Variants in CCDC171 observed in about 807,000 individuals in gnomAD.
CCDC171 encodes the protein coiled-coil domain-containing protein 171.
Under a neutral mutation model 168.2 loss-of-function variants are expected in CCDC171, and 177 were observed. That is an observed-to-expected ratio of 1.05 (90% CI 0.93 to 1.19). CCDC171 has a LOEUF of 1.19. Among genes scored for constraint, CCDC171 ranks in the 50% most tolerant of loss-of-function variants. The pLI, the probability that CCDC171 is intolerant of heterozygous loss-of-function variation, is 0.00. For missense variants in CCDC171, 1,991 were observed against 1,539.0 expected (o/e 1.29, Z -4.91); for synonymous variants, 687 against 540.8 (o/e 1.27, Z -3.75).
At chr9:15,629,486 A>C (rs2045486469) in intron 7 of CCDC171, among the ~76,000 whole-genome samples, 1 of 152,204 alleles carries the variant, frequency 6.6e-6, no homozygotes, top group Non-Finnish European at 1.5e-5. Flanking sequence ...AAAAAAGAAT[A>C]AAAAGAAACG....
intron 6 of CCDC171, among the ~76,000 whole-genome samples, chr9:15,600,959 T>C (rs1472783126): frequency 6.6e-6 from 1 of 152,198 alleles, no homozygotes; most frequent in African/African-American, 2.4e-5. Context: ...AATCTCCTGG[T>C]GTGCCGTTTG....
At chr9:15,793,837 T>C (rs533133743) in intron 21 of CCDC171, among the ~76,000 whole-genome samples, 2 of 152,138 alleles carry the variant, frequency 1.3e-5, no homozygotes, top group East Asian at 1.9e-4. Context: ...GTGACAGATA[T>C]ATTAATCTTA....
intron 18 of CCDC171, among the ~76,000 whole-genome samples, chr9:15,746,256 G>A (rs528045912): frequency 6.6e-6 from 1 of 152,292 alleles, no homozygotes; most frequent in South Asian, 2.1e-4. Flanking sequence ...TGTTAAAATT[G>A]TGTAATGGAC....
chr9:15,878,477 A>G (rs770678822), intron 24 of CCDC171, among the ~76,000 whole-genome samples: 4 of 152,210 alleles, frequency 2.6e-5, no homozygotes, highest in Non-Finnish European at 5.9e-5. Flanking sequence ...GTCAAAAAAT[A>G]ACAGATGCTG....
intron 7 of CCDC171, among the ~76,000 whole-genome samples, chr9:15,642,362 T>C (rs966132933): frequency 2.4e-4 from 11 of 45,088 alleles, no homozygotes; most frequent in East Asian, 3.6e-3. Context: ...TATATATATA[T>C]ATATATATAT....
intron 17 of CCDC171, 108 bp from the exon 18 acceptor site, chr9:15,745,407 A>G (rs1413478808): frequency 3.4e-6 from 2 of 582,520 alleles, no homozygotes; most frequent in South Asian, 3.3e-5. Flanking sequence ...CAATGTTCAC[A>G]ATAGGGTTTT....
chr9:15,948,066 A>C lies in CCDC171; in HGVS notation c.3754-23543A>C, dbSNP rs1363960331. Among the ~76,000 whole-genome samples the C allele has an allele frequency of 5.3e-5, 8 of 151,072 alleles. 1 individual carries two copies. In the East Asian group the frequency reaches 1.6e-3, roughly 31 times the overall value. Reference sequence around the variant, plus strand: ...GTTCAATTCCCACCTATGAGTGAGAATATGTGGTGTTTGGTTTTTTGTTCT... The same window carrying C: ...GTTCAATTCCCACCTATGAGTGAGACTATGTGGTGTTTGGTTTTTTGTTCT... On this transcript the variant is annotated intron_variant, in intron 25 of 25. Coordinates refer to ENST00000380701, the MANE Select transcript of CCDC171 (RefSeq NM_173550.4).
chr9:15,774,537 A>G (rs750589066), intron 18 of CCDC171, among the ~76,000 whole-genome samples: 6 of 152,204 alleles, frequency 3.9e-5, no homozygotes, highest in Non-Finnish European at 5.9e-5. Context: ...CACTATGGAA[A>G]ACAGTGTGGA....
chr9:15,651,576 C>G (rs988464494), intron 7 of CCDC171, among the ~76,000 whole-genome samples: 4 of 152,108 alleles, frequency 2.6e-5, no homozygotes, highest in Non-Finnish European at 4.4e-5. Context: ...TTTTTTAGCT[C>G]TCACATACGA....
intron 23 of CCDC171, among the ~76,000 whole-genome samples, chr9:15,864,242 G>C (rs1030781166): frequency 2.0e-5 from 3 of 151,912 alleles, no homozygotes; most frequent in Non-Finnish European, 4.4e-5. Flanking sequence ...ATCTCTAAAA[G>C]CATATACTTT....
chr9:15,750,556 A>G (rs1052914594), intron 18 of CCDC171, among the ~76,000 whole-genome samples: 1 of 152,210 alleles, frequency 6.6e-6, no homozygotes, highest in African/African-American at 2.4e-5. Context: ...ACATTGATGC[A>G]AAAATCCTCA....
At chr9:16,081,293 A>C in the CCDC171 span, among the ~76,000 whole-genome samples, 374 of 152,226 alleles carry the variant, frequency 2.5e-3, 1 homozygote, top group African/African-American at 8.7e-3. Context: ...AGGTTCATCA[A>C]ATCTCTCAGA....
At chr9:15,878,780 T>C (rs1021338388) in intron 24 of CCDC171, among the ~76,000 whole-genome samples, 2 of 152,186 alleles carry the variant, frequency 1.3e-5, no homozygotes, top group South Asian at 4.1e-4. Context: ...ATATACACCA[T>C]GGAATACTAT....
chr9:15,562,975 A>T (rs1425340487), intron 1 of CCDC171, among the ~76,000 whole-genome samples: 1 of 152,104 alleles, frequency 6.6e-6, no homozygotes, highest in Non-Finnish European at 1.5e-5. Context: ...TCTGAATCAG[A>T]TGAGTTTTCT....
intron 21 of CCDC171, among the ~76,000 whole-genome samples, chr9:15,797,792 C>T (rs1019205299): frequency 3.3e-5 from 5 of 152,070 alleles, no homozygotes; most frequent in Non-Finnish European, 7.4e-5. Context: ...ACCTTTTTGA[C>T]AATTATATCA....
At chr9:15,951,477 C>A (rs920488024) in intron 25 of CCDC171, among the ~76,000 whole-genome samples, 1 of 152,092 alleles carries the variant, frequency 6.6e-6, no homozygotes, top group African/African-American at 2.4e-5. Flanking sequence ...CTCCATCTTC[C>A]ATTTGCTTGG....
the CCDC171 span, among the ~76,000 whole-genome samples, chr9:16,099,393 G>A: frequency 2.0e-5 from 3 of 152,216 alleles, no homozygotes; most frequent in South Asian, 6.2e-4. Context: ...GCTCTCAGAA[G>A]GTTCTGGTGA....
intron 6 of CCDC171, among the ~76,000 whole-genome samples, chr9:15,609,366 C>T (rs945729744): frequency 6.6e-6 from 1 of 152,148 alleles, no homozygotes; most frequent in Non-Finnish European, 1.5e-5. Context: ...GCCTTGGCCT[C>T]CCAAAGTGCT....
In CCDC171 at chr9:15,583,408, C is replaced by CAA. The variant is rs753789809; in HGVS notation, c.352+4401_352+4402dup. 9.2e-3 allele frequency among the ~76,000 whole-genome samples: 876 copies of CAA among 95,626 alleles called. 10 individuals are homozygous for CAA. Among genetic ancestry groups the CAA allele is most frequent in the Non-Finnish European group, 0.012 (575 of 48,586 alleles). 62.7% of individuals were successfully genotyped at this position (95,626 alleles called of 152,430 possible). A position where few individuals can be genotyped will look rare whatever the true frequency, so the allele number is the denominator to read the frequency against. On this transcript the variant is annotated intron_variant, in intron 4 of 25. Transcript: ENST00000380701. ...GTCTGGTGACAGCGAGACTCCATCT[C>CAA]AAAAAAAAAAAAAAAAAGAAAATGT...
Sources: allele counts gnomAD v4.1 joint callset (sites outside exome capture counted in the v4.1 genomes callset), GRCh38; gene constraint gnomAD v4.1.1; transcripts MANE v1.5; gene names NCBI Gene and HGNC (gene_info 2026-07-23, HGNC 2026-07-21).